ZNF385D: variants seen among roughly 807,000 people sequenced by gnomAD.
ZNF385D encodes zinc finger protein 385D.
ZNF385D carries 15 observed loss-of-function variants against 35.8 expected under a neutral mutation model. The ratio of observed to expected loss-of-function variants is 0.42; its 90% CI spans 0.28 to 0.64. The LOEUF is 0.64. ZNF385D is among the 30% of genes least tolerant of loss of function. ZNF385D has a pLI of 0.23. For synonymous variants in ZNF385D, 212 were observed against 186.8 expected (o/e 1.13, Z -1.10); for missense variants, 474 against 494.6 (o/e 0.96, Z 0.39).
At chr3:22,135,979 G>A (rs1218576506) in intron 3 of ZNF385D, among the ~76,000 whole-genome samples, 1 of 152,072 alleles carries the variant, frequency 6.6e-6, no homozygotes, top group Admixed American at 6.6e-5. Flanking sequence ...AACTGAAAAT[G>A]GGTCACACCC....
rs931032100 is a variant in ZNF385D at position 21,418,932 on chromosome 3, C to A, written c.*2282G>T. On this transcript the variant is annotated 3_prime_UTR_variant, in exon 8 of 8. Transcript: ENST00000281523. ...GAGCCCCAAACAACAGACTTATGGG[C>A]AACTATCCACCTGGCTGAACTACCA... 6.6e-6 allele frequency: 1 copy of A among 152,082 alleles called. No individual in the cohort carries two copies. Among genetic ancestry groups the A allele is most frequent in the Admixed American group, 6.6e-5 (1 of 15,238 alleles). 9.4% of individuals were successfully genotyped at this position (152,082 alleles called of 1,614,324 possible).
chr3:22,200,502 G>C (rs370677577), intron 2 of ZNF385D, among the ~76,000 whole-genome samples: 2 of 152,168 alleles, frequency 1.3e-5, no homozygotes, highest in East Asian at 1.9e-4. Flanking sequence ...AAGTCAAATG[G>C]AGGCAGGGCA....
chr3:21,630,899 G>A (rs1345516996), intron 2 of ZNF385D, among the ~76,000 whole-genome samples: 1 of 152,084 alleles, frequency 6.6e-6, no homozygotes, highest in Non-Finnish European at 1.5e-5. Context: ...GGGGGAATTA[G>A]TGAGATGAAG....
Position 22,206,324 on chromosome 3 carries a change from T to C in ZNF385D, c.107-37289A>G, listed in dbSNP as rs1254197939. ...AAGAGAGAGATAGACCCTAATACAA[T>C]AGCCGCTAGAGACTTCAACATCCCA... On this transcript the variant is annotated intron_variant, in intron 2 of 5. Coordinates refer to the ZNF385D transcript ENST00000494108. Among the ~76,000 whole-genome samples the C allele has an allele frequency of 2.0e-5, 3 of 151,900 alleles. No individual in the cohort carries two copies. The East Asian group carries it at 5.8e-4, about 29-fold the overall frequency.
At chr3:21,975,184 A>G (rs1703518393) in intron 3 of ZNF385D, among the ~76,000 whole-genome samples, 1 of 152,200 alleles carries the variant, frequency 6.6e-6, no homozygotes, top group African/African-American at 2.4e-5. Context: ...CAACAGACAA[A>G]TTGATAAGGA....
intron 3 of ZNF385D, among the ~76,000 whole-genome samples, chr3:21,978,663 G>C (rs531177700): frequency 1.3e-5 from 2 of 152,034 alleles, no homozygotes; most frequent in Non-Finnish European, 2.9e-5. Context: ...ATGAGTACAA[G>C]ACATTTCTAT....
intron 3 of ZNF385D, among the ~76,000 whole-genome samples, chr3:22,081,076 T>G (rs914757033): frequency 6.6e-6 from 1 of 152,216 alleles, no homozygotes. Flanking sequence ...AACTAAATTA[T>G]AAATTTTTAA....
chr3:22,344,160 T>C (rs967294917), intron 2 of ZNF385D, among the ~76,000 whole-genome samples: 1 of 121,220 alleles, frequency 8.2e-6, no homozygotes, highest in African/African-American at 3.5e-5. Flanking sequence ...TATAGGCACA[T>C]GGGTAGGGTG....
At chr3:22,059,395 T>C (rs754046257) in intron 3 of ZNF385D, among the ~76,000 whole-genome samples, 4 of 152,156 alleles carry the variant, frequency 2.6e-5, no homozygotes, top group African/African-American at 7.2e-5. Context: ...AACCAGAGAA[T>C]TGGGGTCATT....
In ZNF385D at chr3:21,425,605, C is replaced by T. The variant is rs780385176; in HGVS notation, c.739G>A (p.Ala247Thr). Residue 247 changes from alanine to threonine, a missense_variant, in exon 6 of 8, where the codon GCA (alanine) becomes ACA (threonine). Ala to Thr is a moderately conservative substitution (Grantham distance 58). Transcript: ENST00000281523. ...ACAGGTCCTTTGCCTTTCACTCCTG[C>T]CCTAGGAAAGGCTTTGATAGTGCCA... Reference protein sequence around the residue: ...GSGTIKAFPRAGVKGKGPVNK... With the variant: ...GSGTIKAFPRTGVKGKGPVNK... 1 of 1,606,790 alleles carries T rather than the reference C, an allele frequency of 6.2e-7. No individual in the cohort carries two copies. The highest frequency in any genetic ancestry group is 1.3e-5 in the African/African-American group (1 of 74,726).
chr3:21,997,794 T>G (rs1695560814), intron 3 of ZNF385D, among the ~76,000 whole-genome samples: 1 of 152,066 alleles, frequency 6.6e-6, no homozygotes, highest in South Asian at 2.1e-4. Context: ...ACAGGAATTC[T>G]TAACTCAAAG....
chr3:21,699,513 T>C (rs1308137845), intron 1 of ZNF385D, among the ~76,000 whole-genome samples: 1 of 151,912 alleles, frequency 6.6e-6, no homozygotes, highest in Admixed American at 6.6e-5. Context: ...AATAAAGTAA[T>C]TTAAATTAAA....
chr3:22,029,852 T>C (rs888346045), intron 3 of ZNF385D, among the ~76,000 whole-genome samples: 1 of 151,932 alleles, frequency 6.6e-6, no homozygotes, highest in Non-Finnish European at 1.5e-5. Flanking sequence ...TGGGTTCAAG[T>C]TGACAAGGGG....
At chr3:21,818,110 T>C (rs112067475) in intron 3 of ZNF385D, among the ~76,000 whole-genome samples, 2,835 of 150,172 alleles carry the variant, frequency 0.019, 90 homozygotes, top group African/African-American at 0.065. Context: ...TTCTCACTCA[T>C]AGGTGGGAAT....
chr3:21,929,812 A>C (rs1395123136), intron 3 of ZNF385D, among the ~76,000 whole-genome samples: 3 of 152,126 alleles, frequency 2.0e-5, no homozygotes, highest in Admixed American at 2.0e-4. Flanking sequence ...GATCTAAATA[A>C]ATAGGGAGAC....
chr3:21,423,095 C>A (rs1196524160), intron 7 of ZNF385D, among the ~76,000 whole-genome samples: 1 of 151,984 alleles, frequency 6.6e-6, no homozygotes, highest in African/African-American at 2.4e-5. Context: ...AATCTATAGT[C>A]TTGGCCCAAA....
In ZNF385D at chr3:22,264,181, C is replaced by T. The variant is rs374825419; in HGVS notation, c.107-95146G>A. 1.7e-3 allele frequency among the ~76,000 whole-genome samples: 262 copies of T among 152,012 alleles called. 4 individuals are homozygous for T. Among genetic ancestry groups the T allele is most frequent in the African/African-American group, 5.4e-3 (223 of 41,518 alleles). ...TATATAAGATCAATTTGGACTAGGT[C>T]TTGGCAGAAATTCAGTAAGTATGTG... On this transcript the variant is annotated intron_variant, in intron 2 of 5. Transcript: ENST00000494108.
At chr3:22,333,838 C>G (rs758178749) in intron 2 of ZNF385D, among the ~76,000 whole-genome samples, 5 of 152,104 alleles carry the variant, frequency 3.3e-5, no homozygotes, top group Non-Finnish European at 7.4e-5. Flanking sequence ...TGGTGGATAC[C>G]AGAGAGAGAA....
At chr3:22,365,383 A>C (rs1428292690) in intron 2 of ZNF385D, among the ~76,000 whole-genome samples, 2 of 152,108 alleles carry the variant, frequency 1.3e-5, no homozygotes, top group Non-Finnish European at 2.9e-5. Flanking sequence ...AATGGTTCTT[A>C]CCTTTCTGGT....
Sources: allele counts gnomAD v4.1 joint callset (sites outside exome capture counted in the v4.1 genomes callset), GRCh38; gene constraint gnomAD v4.1.1; transcripts MANE v1.5; gene names NCBI Gene and HGNC (gene_info 2026-07-23, HGNC 2026-07-21).